KCTD8: variants seen among roughly 807,000 people sequenced by gnomAD.
The protein encoded by KCTD8 is BTB/POZ domain-containing protein KCTD8.
A neutral mutation model predicts 31.5 loss-of-function variants in KCTD8; 27 were observed. That is an observed-to-expected ratio of 0.86 (90% CI 0.63 to 1.18). KCTD8 has a LOEUF of 1.18. KCTD8 is among the 50% of genes most tolerant of loss of function. KCTD8 has a pLI of 0.00. For missense variants in KCTD8, 658 were observed against 647.7 expected, an observed-to-expected ratio of 1.02 and a Z score of -0.17; for synonymous variants, 290 against 280.0, an observed-to-expected ratio of 1.04 and a Z score of -0.36.
chr4:44,376,361 C>T (rs988984857), intron 1 of KCTD8, among the ~76,000 whole-genome samples: 7 of 152,116 alleles, frequency 4.6e-5, no homozygotes, highest in African/African-American at 1.7e-4. Flanking sequence ...CAATGGTTCC[C>T]AAGGCTAAGA....
At chr4:44,317,224 CTTTCTTTTTTTTT>C (rs1189621926) in intron 1 of KCTD8, among the ~76,000 whole-genome samples, 1 of 55,798 alleles carries the variant, frequency 1.8e-5, no homozygotes, top group Non-Finnish European at 3.1e-5. Context: ...CCTATGGGTG[CTTTCTTTTTTTTT>C]TTTTTTTTTT....
At chr4:44,180,879 A>G (rs1713362509) in intron 1 of KCTD8, among the ~76,000 whole-genome samples, 1 of 152,214 alleles carries the variant, frequency 6.6e-6, no homozygotes, top group South Asian at 2.1e-4. Context: ...TCAAATATTA[A>G]GCATTAAAAG....
chr4:44,377,108 T>C (rs1431787597), intron 1 of KCTD8, among the ~76,000 whole-genome samples: 1 of 152,142 alleles, frequency 6.6e-6, no homozygotes, highest in East Asian at 1.9e-4. Flanking sequence ...GCCTCCTCCA[T>C]TTACAAATAA....
chr4:44,379,677 C>T (rs1297234498), intron 1 of KCTD8, among the ~76,000 whole-genome samples: 2 of 152,106 alleles, frequency 1.3e-5, no homozygotes, highest in Non-Finnish European at 2.9e-5. Flanking sequence ...AGATGGCACA[C>T]TGCAAACTAT....
intron 1 of KCTD8, among the ~76,000 whole-genome samples, chr4:44,432,446 G>A (rs1210311829): frequency 6.6e-6 from 1 of 151,534 alleles, no homozygotes; most frequent in Non-Finnish European, 1.5e-5. Context: ...AAAACAATAT[G>A]GGAAGTGTCT....
intron 1 of KCTD8, among the ~76,000 whole-genome samples, chr4:44,402,881 C>G (rs1720699977): frequency 6.6e-6 from 1 of 152,134 alleles, no homozygotes; most frequent in Non-Finnish European, 1.5e-5. Context: ...TCCAAGAACA[C>G]TCAAACTGTT....
At chr4:44,401,996 T>C (rs1720675678) in intron 1 of KCTD8, among the ~76,000 whole-genome samples, 1 of 152,186 alleles carries the variant, frequency 6.6e-6, no homozygotes, top group Non-Finnish European at 1.5e-5. Flanking sequence ...AATCCAATAA[T>C]AATCTCCTTA....
chr4:44,337,492 G>A (rs1718779675), intron 1 of KCTD8, among the ~76,000 whole-genome samples: 1 of 151,746 alleles, frequency 6.6e-6, no homozygotes, highest in South Asian at 2.1e-4. Context: ...TGGCCAGTAT[G>A]GTGAAATCCT....
At chr4:44,378,945 C>T (rs1368272588) in intron 1 of KCTD8, among the ~76,000 whole-genome samples, 1 of 152,096 alleles carries the variant, frequency 6.6e-6, no homozygotes, top group Non-Finnish European at 1.5e-5. Context: ...TCTTTGCTAA[C>T]TTCCAGAGGC....
At chr4:44,409,457 G>A (rs868125667) in intron 1 of KCTD8, among the ~76,000 whole-genome samples, 6 of 152,250 alleles carry the variant, frequency 3.9e-5, no homozygotes, top group Non-Finnish European at 8.8e-5. Flanking sequence ...GAGTGTTTGA[G>A]CTGGAAGAAG....
chr4:44,300,691 C>T (rs1717585518), intron 1 of KCTD8, among the ~76,000 whole-genome samples: 1 of 152,046 alleles, frequency 6.6e-6, no homozygotes, highest in Non-Finnish European at 1.5e-5. Context: ...ACTAATCCTA[C>T]ACCAGTAGGA....
At chr4:44,209,270 A>G (rs1441727316) in intron 1 of KCTD8, among the ~76,000 whole-genome samples, 1 of 152,156 alleles carries the variant, frequency 6.6e-6, no homozygotes, top group Admixed American at 6.6e-5. Flanking sequence ...TAATAAGAGA[A>G]TATGAGATTC....
At chr4:44,253,344 T>A (rs1271812004) in intron 1 of KCTD8, among the ~76,000 whole-genome samples, 1 of 151,832 alleles carries the variant, frequency 6.6e-6, no homozygotes, top group African/African-American at 2.4e-5. Flanking sequence ...TTTATAATTT[T>A]TATTTGCCCA....
At chr4:44,382,492 C>T (rs1380596728) in intron 1 of KCTD8, among the ~76,000 whole-genome samples, 1 of 151,804 alleles carries the variant, frequency 6.6e-6, no homozygotes, top group African/African-American at 2.4e-5. Flanking sequence ...TTTGGGAGAC[C>T]AAGGCAGGCA....
chr4:44,335,984 A>G (rs1417613896), intron 1 of KCTD8, among the ~76,000 whole-genome samples: 1 of 150,806 alleles, frequency 6.6e-6, no homozygotes, highest in African/African-American at 2.4e-5. Context: ...CCCCGTCTCT[A>G]CTAAAAATAC....
At chr4:44,433,907 C>T (rs1721571744) in intron 1 of KCTD8, among the ~76,000 whole-genome samples, 1 of 151,850 alleles carries the variant, frequency 6.6e-6, no homozygotes, top group African/African-American at 2.4e-5. Context: ...TTTCAATACC[C>T]ACCAACTATC....
At chr4:44,350,646 C>G (rs1577630540) in intron 1 of KCTD8, among the ~76,000 whole-genome samples, 1 of 152,050 alleles carries the variant, frequency 6.6e-6, no homozygotes, top group African/African-American at 2.4e-5. Context: ...TATGACTGCT[C>G]TACAAAAGAT....
intron 1 of KCTD8, among the ~76,000 whole-genome samples, chr4:44,317,503 TGC>T (rs1718171715): frequency 3.6e-5 from 5 of 140,814 alleles, no homozygotes; most frequent in African/African-American, 1.6e-4. Context: ...CCTCCCAAAG[TGC>T]TGGGATTACA....
chr4:44,407,321 C>T (rs377300920), intron 1 of KCTD8, among the ~76,000 whole-genome samples: 3 of 152,104 alleles, frequency 2.0e-5, no homozygotes, highest in South Asian at 2.1e-4. Flanking sequence ...CATCTCTATA[C>T]CTCAAATCTA....
Sources: gnomAD v4.1 joint callset for allele counts (sites outside exome capture counted in the v4.1 genomes callset) on GRCh38, gnomAD v4.1.1 for gene constraint, MANE v1.5 for transcripts, NCBI Gene and HGNC (gene_info 2026-07-23, HGNC 2026-07-21) for gene names.